Variants in KAT6B observed in about 807,000 individuals in gnomAD.
KAT6B encodes the protein histone acetyltransferase KAT6B.
In KAT6B, 10 loss-of-function variants were observed where a neutral mutation model predicts 187.5. That is an observed-to-expected ratio of 0.05 (90% CI 0.03 to 0.09). The LOEUF is 0.09. Among genes scored for constraint, KAT6B ranks in the 10% least tolerant of loss-of-function variants. The pLI is 1.00. For synonymous variants in KAT6B, 861 were observed against 926.8 expected, an observed-to-expected ratio of 0.93 and a Z score of 1.29; for missense variants, 1,952 against 2,558.9, an observed-to-expected ratio of 0.76 and a Z score of 5.12.
At chr10:74,909,850 C>T (rs1309618122) in intron 3 of KAT6B, among the ~76,000 whole-genome samples, 1 of 152,074 alleles carries the variant, frequency 6.6e-6, no homozygotes, top group Non-Finnish European at 1.5e-5. Flanking sequence ...TGCCCAGTTT[C>T]CATGCCCCAC....
chr10:74,847,456 A>T (rs2132122109), intron 3 of KAT6B, among the ~76,000 whole-genome samples: 1 of 152,302 alleles, frequency 6.6e-6, no homozygotes, highest in South Asian at 2.1e-4. Flanking sequence ...TGAGGTCAGC[A>T]GTTCAAGACC....
At position 75,029,876 on chromosome 10, in the gene KAT6B, C is replaced by A; in HGVS notation, c.5052C>A (p.Ser1684Arg). 1 of 1,614,220 alleles carries A rather than the reference C, an allele frequency of 6.2e-7. No homozygotes were observed. ...CAACTGAGAACTACGAAAACCCAAG[C>A]AGCTACGATTCTACTATGGGAGGCA... is the stretch of plus-strand genomic sequence containing the variant. The part of the protein sequence containing the change: ...ESTTENYENP[S>R]SYDSTMGGSI... Residue 1684 changes from serine (S) to arginine (R), a missense_variant, in exon 18 of 18, where the codon AGC becomes AGA. By Grantham distance (110) the Ser-to-Arg change is moderately radical. Coordinates refer to ENST00000287239, the MANE Select transcript of KAT6B (RefSeq NM_012330.4). This position sits in a 1 kb window ranked among gnomAD's most constrained non-coding sequence, Gnocchi z 6.2.
intron 3 of KAT6B, among the ~76,000 whole-genome samples, chr10:74,923,915 T>C (rs1198085261): frequency 2.0e-5 from 3 of 152,152 alleles, no homozygotes; most frequent in Non-Finnish European, 4.4e-5. Flanking sequence ...GGGAGGGTAT[T>C]GCCACAAAAC....
At position 74,976,164 on chromosome 10, in the gene KAT6B, T is replaced by C. The variant is rs1842147496; in HGVS notation, c.1827T>C (p.Ala609=). Residue 609 remains alanine (A), a synonymous_variant, in exon 8 of 18, where the codon GCT becomes GCC. Transcript: ENST00000287239. ...CCTCCTCCTCTAGCTGGGGGATGGC[T>C]AGAGGAAGTATTTTTAAAGCAATTG... ...SHSSSSSWGM[A]RGSIFKAIAH... 4 of 1,614,186 alleles carry C rather than the reference T, an allele frequency of 2.5e-6. No homozygotes were observed. Among genetic ancestry groups the C allele is most frequent in the Non-Finnish European group, 3.4e-6 (4 of 1,180,024 alleles).
chr10:74,856,609 G>T (rs546874539), intron 3 of KAT6B, among the ~76,000 whole-genome samples: 1 of 152,028 alleles, frequency 6.6e-6, no homozygotes, highest in African/African-American at 2.4e-5. Flanking sequence ...CAAGAATAGC[G>T]TGTGGGGGTC....
intron 5 of KAT6B, 94 bp downstream of exon 5, chr10:74,969,869 T>C: frequency 1.9e-6 from 2 of 1,046,860 alleles, no homozygotes; most frequent in Non-Finnish European, 3.0e-6. Context: ...ACTTTCTTTC[T>C]AAAGCTTTAA....
At chr10:74,883,886 G>A (rs1845045985) in intron 3 of KAT6B, among the ~76,000 whole-genome samples, 1 of 152,142 alleles carries the variant, frequency 6.6e-6, no homozygotes, top group African/African-American at 2.4e-5. Flanking sequence ...TTCTATTGAG[G>A]TGCTGAAGCT....
intron 11 of KAT6B, chr10:74,983,487 A>T (rs1221482341): frequency 6.6e-6 from 1 of 152,262 alleles, no homozygotes; most frequent in Non-Finnish European, 1.5e-5. Flanking sequence ...AGCTAATGTC[A>T]CAAGTTCAGC....
chr10:74,943,152 G>T (rs1589674147), intron 3 of KAT6B, among the ~76,000 whole-genome samples: 2 of 152,134 alleles, frequency 1.3e-5, no homozygotes, highest in South Asian at 2.1e-4. Context: ...GATACAAAAT[G>T]ATTATTTTTA....
chr10:74,998,258 G>A (rs1183112265), intron 13 of KAT6B, among the ~76,000 whole-genome samples: 1 of 151,930 alleles, frequency 6.6e-6, no homozygotes, highest in East Asian at 1.9e-4. Flanking sequence ...GCCTCCAATG[G>A]TTATTTTCTA....
At chr10:74,977,170 G>A (rs1842212632) in intron 8 of KAT6B, 146 bp from the exon 9 acceptor site, 1 of 720,288 alleles carries the variant, frequency 1.4e-6, no homozygotes, top group African/African-American at 1.8e-5. Context: ...TCTATGAGCA[G>A]TGCTTAGATG....
chr10:74,903,603 T>A (rs1457691272), intron 3 of KAT6B, among the ~76,000 whole-genome samples: 1 of 152,070 alleles, frequency 6.6e-6, no homozygotes, highest in Non-Finnish European at 1.5e-5. Flanking sequence ...GGAGGTGAAT[T>A]TTTCCTAAGA....
At position 74,864,551 on chromosome 10, in the gene KAT6B, A is replaced by G. The variant is rs563608909; in HGVS notation, c.621+21073A>G. Among the ~76,000 whole-genome samples, 8 of 151,080 alleles carry G rather than the reference A, an allele frequency of 5.3e-5. No homozygotes were observed. In the East Asian group the frequency reaches 1.4e-3, roughly 26 times the overall value. ...TTTTTTCCCCTCAGGTATTTTATTT[A>G]TATATTTGGAGACAGGGTCTTTCTC... On this transcript the variant is annotated intron_variant, in intron 3 of 17. Transcript: ENST00000287239.
At chr10:74,998,237 C>T (rs1486121556) in intron 13 of KAT6B, among the ~76,000 whole-genome samples, 1 of 151,654 alleles carries the variant, frequency 6.6e-6, no homozygotes, top group African/African-American at 2.4e-5. Flanking sequence ...AGGTGTGAGC[C>T]ACCGTGCCCA....
intron 3 of KAT6B, among the ~76,000 whole-genome samples, chr10:74,894,010 G>A (rs1845817802): frequency 6.6e-6 from 1 of 152,164 alleles, no homozygotes; most frequent in South Asian, 2.1e-4. Flanking sequence ...TAATAATAAA[G>A]GTCACGTCCC....
intron 17 of KAT6B, among the ~76,000 whole-genome samples, chr10:75,027,219 TC>T (rs1420583869): frequency 6.6e-6 from 1 of 152,204 alleles, no homozygotes; most frequent in Non-Finnish European, 1.5e-5. Context: ...CTGAGATGAC[TC>T]TTAACTCGGG....
At chr10:75,006,304 A>C (rs980239989) in intron 13 of KAT6B, among the ~76,000 whole-genome samples, 2 of 152,236 alleles carry the variant, frequency 1.3e-5, no homozygotes, top group African/African-American at 4.8e-5. Context: ...ACTAAAAAAC[A>C]AACTGATTTA....
chr10:74,933,647 A>G (rs1033296926), intron 3 of KAT6B, among the ~76,000 whole-genome samples: 3 of 152,182 alleles, frequency 2.0e-5, no homozygotes, highest in Non-Finnish European at 2.9e-5. Flanking sequence ...CGTTAAGAAA[A>G]CTAGCTGTAT....
At chr10:74,944,717 G>A (rs1464868580) in intron 3 of KAT6B, among the ~76,000 whole-genome samples, 1 of 148,934 alleles carries the variant, frequency 6.7e-6, no homozygotes, top group Non-Finnish European at 1.5e-5. Context: ...GCTGAGGCAG[G>A]AGAATGGCGT....
Sources: allele counts gnomAD v4.1 joint callset (sites outside exome capture counted in the v4.1 genomes callset), GRCh38; gene constraint gnomAD v4.1.1; non-coding constraint Gnocchi (gnomAD v3.1); transcripts MANE v1.5; gene names NCBI Gene and HGNC (gene_info 2026-07-23, HGNC 2026-07-21).